UNC13C: variants seen among roughly 807,000 people sequenced by gnomAD.
The protein encoded by UNC13C is protein unc-13 homolog C.
Under a neutral mutation model 245.4 loss-of-function variants are expected in UNC13C, and 174 were observed. The observed-to-expected ratio is 0.71, with a 90% CI of 0.63 to 0.80. The LOEUF is 0.80. UNC13C is among the 30% of genes least tolerant of loss of function. The pLI is 0.00. For synonymous variants in UNC13C, 992 were observed against 895.1 expected, an observed-to-expected ratio of 1.11 and a Z score of -1.93; for missense variants, 2,829 against 2,602.9, an observed-to-expected ratio of 1.09 and a Z score of -1.89.
the UNC13C span, among the ~76,000 whole-genome samples, chr15:53,902,452 T>G: frequency 6.6e-6 from 1 of 152,164 alleles, no homozygotes; most frequent in African/African-American, 2.4e-5. Context: ...AGTTAGTGAT[T>G]GCAGAACATA....
At chr15:54,595,822 C>T (rs1028595067) in intron 30 of UNC13C, among the ~76,000 whole-genome samples, 4 of 152,100 alleles carry the variant, frequency 2.6e-5, no homozygotes, top group African/African-American at 7.2e-5. Flanking sequence ...TGGACAGATT[C>T]GATTTTCCAA....
At chr15:54,083,714 A>G (rs1899081088) in intron 2 of UNC13C, among the ~76,000 whole-genome samples, 1 of 152,062 alleles carries the variant, frequency 6.6e-6, no homozygotes, top group Admixed American at 6.6e-5. Flanking sequence ...GGCAGCCTAC[A>G]CCAAGGGTTA....
intron 17 of UNC13C, among the ~76,000 whole-genome samples, chr15:54,382,268 G>C (rs2039741810): frequency 6.6e-6 from 1 of 152,078 alleles, no homozygotes; most frequent in Non-Finnish European, 1.5e-5. Context: ...AAAGTTTATA[G>C]CACCAAACAA....
chr15:54,612,309 T>G (rs1232281760), intron 30 of UNC13C, among the ~76,000 whole-genome samples: 1 of 151,894 alleles, frequency 6.6e-6, no homozygotes, highest in African/African-American at 2.4e-5. Context: ...TGTGGAAAGG[T>G]TACACATTTT....
At chr15:54,291,078 C>CT (rs1435161357) in intron 10 of UNC13C, among the ~76,000 whole-genome samples, 1 of 151,952 alleles carries the variant, frequency 6.6e-6, no homozygotes, top group Admixed American at 6.6e-5. Context: ...TCTACTTAGA[C>CT]TTTTCTTCTT....
At chr15:54,441,126 G>A (rs1394482183) in intron 19 of UNC13C, among the ~76,000 whole-genome samples, 1 of 151,914 alleles carries the variant, frequency 6.6e-6, no homozygotes, top group East Asian at 1.9e-4. Flanking sequence ...TTACTCTGTT[G>A]GTTATTTCAT....
At chr15:54,552,686 ATAATTAT>A in intron 28 of UNC13C, among the ~76,000 whole-genome samples, 1 of 85,710 alleles carries the variant, frequency 1.2e-5, no homozygotes, top group African/African-American at 5.0e-5. Context: ...ATATAATTAT[ATAATTAT>A]ATATTATATA....
At chr15:54,445,855 G>T (rs1447153081) in intron 19 of UNC13C, among the ~76,000 whole-genome samples, 1 of 152,162 alleles carries the variant, frequency 6.6e-6, no homozygotes, top group African/African-American at 2.4e-5. Flanking sequence ...TTTTAGACAT[G>T]AAGTCCTTGC....
chr15:54,049,319 A>T, intron 2 of UNC13C: 1 of 519,714 alleles, frequency 1.9e-6, no homozygotes, highest in Non-Finnish European at 3.8e-6. Context: ...CCTTCATATG[A>T]ATATAAATCG....
At chr15:54,630,573 C>T (rs1246012110), downstream of UNC13C, 1 of 152,100 alleles carries the variant, frequency 6.6e-6, no homozygotes, top group Non-Finnish European at 1.5e-5. Flanking sequence ...CTAATTCCAC[C>T]TACTTAGAAA....
At chr15:53,845,283 C>A in the UNC13C span, among the ~76,000 whole-genome samples, 1 of 148,726 alleles carries the variant, frequency 6.7e-6, no homozygotes, top group African/African-American at 2.5e-5. Context: ...TGACACCACA[C>A]CATTGCACTC....
At chr15:54,585,095 T>G (rs565377624) in intron 30 of UNC13C, among the ~76,000 whole-genome samples, 25 of 152,278 alleles carry the variant, frequency 1.6e-4, no homozygotes, top group Non-Finnish European at 2.6e-4. Context: ...CTCTCATTAT[T>G]TGTGTGGATG....
At chr15:54,597,151 A>C (rs1271349652) in intron 30 of UNC13C, among the ~76,000 whole-genome samples, 2 of 152,130 alleles carry the variant, frequency 1.3e-5, no homozygotes, top group African/African-American at 2.4e-5. Context: ...TCCTGTGAGA[A>C]TCTAATGCTG....
At chr15:54,316,338 C>G (rs1424475093) in intron 13 of UNC13C, among the ~76,000 whole-genome samples, 1 of 151,800 alleles carries the variant, frequency 6.6e-6, no homozygotes, top group Non-Finnish European at 1.5e-5. Flanking sequence ...TTCCATAGTG[C>G]CTTGATTTGT....
intron 2 of UNC13C, among the ~76,000 whole-genome samples, chr15:54,142,280 G>T (rs1344538061): frequency 6.6e-6 from 1 of 152,136 alleles, no homozygotes; most frequent in African/African-American, 2.4e-5. Context: ...CATTGCATCT[G>T]AAAACTGTAG....
At chr15:53,997,890 C>T (rs181222944) in intron 1 of UNC13C, among the ~76,000 whole-genome samples, 23 of 152,166 alleles carry the variant, frequency 1.5e-4, no homozygotes, top group Admixed American at 1.2e-3. Context: ...GCAACCTCCA[C>T]CAGCCAGGCC....
intron 32 of UNC13C, among the ~76,000 whole-genome samples, chr15:54,625,467 G>A (rs1329082651): frequency 6.6e-6 from 1 of 152,104 alleles, no homozygotes; most frequent in African/African-American, 2.4e-5. Flanking sequence ...GATGGAAGAA[G>A]AAATGATAAA....
At chr15:54,114,625 T>G (rs2141181718) in intron 2 of UNC13C, among the ~76,000 whole-genome samples, 1 of 152,284 alleles carries the variant, frequency 6.6e-6, no homozygotes, top group Non-Finnish European at 1.5e-5. Flanking sequence ...CATATTTTTT[T>G]TTGCTACTGC....
chr15:54,229,580 A>T (rs1048327283), intron 4 of UNC13C, among the ~76,000 whole-genome samples: 15 of 152,194 alleles, frequency 9.9e-5, no homozygotes, highest in Non-Finnish European at 2.2e-4. Context: ...AAATGGCAAA[A>T]TCTAGCTGAT....
Sources: gnomAD v4.1 joint callset for allele counts (sites outside exome capture counted in the v4.1 genomes callset) on GRCh38, gnomAD v4.1.1 for gene constraint, MANE v1.5 for transcripts, NCBI Gene and HGNC (gene_info 2026-07-23, HGNC 2026-07-21) for gene names.